DNAH14: variants seen among roughly 807,000 people sequenced by gnomAD.
DNAH14 encodes axonemal beta dynein heavy chain 14.
Under a neutral mutation model 520.9 loss-of-function variants are expected in DNAH14, and 478 were observed. The ratio of observed to expected loss-of-function variants is 0.92; its 90% confidence interval spans 0.85 to 0.99. The LOEUF is 0.99. DNAH14 is among the 50% of genes least tolerant of loss of function. The pLI is 0.00. For synonymous variants in DNAH14, 1,581 were observed against 1,757.2 expected, an observed-to-expected ratio of 0.90 and a Z score of 2.51; for missense variants, 4,831 against 5,234.5, an observed-to-expected ratio of 0.92 and a Z score of 2.38.
intron 41 of DNAH14, among the ~76,000 whole-genome samples, chr1:225,224,269 G>T (rs2090327799): frequency 6.6e-6 from 1 of 151,282 alleles, no homozygotes. Flanking sequence ...AATAGAGCAA[G>T]CTATTTCTCA....
intron 69 of DNAH14, 139 bp downstream of exon 69, chr1:225,340,840 C>A: frequency 4.8e-6 from 5 of 1,047,682 alleles, no homozygotes; most frequent in South Asian, 3.5e-5. Flanking sequence ...AGGTGAATCA[C>A]CCCATTTCTA....
chr1:225,226,210 A>G (rs1261898008), intron 41 of DNAH14, among the ~76,000 whole-genome samples: 3 of 152,162 alleles, frequency 2.0e-5, no homozygotes, highest in Non-Finnish European at 4.4e-5. Context: ...CTAATAACAT[A>G]ACTGCTTGGC....
At chr1:225,060,487 A>G (rs1273178917) in intron 17 of DNAH14, among the ~76,000 whole-genome samples, 1 of 151,994 alleles carries the variant, frequency 6.6e-6, no homozygotes, top group Non-Finnish European at 1.5e-5. Context: ...GAGTAGTTTG[A>G]TCGTCTGAAG....
intron 1 of DNAH14, among the ~76,000 whole-genome samples, chr1:224,945,971 A>T (rs974447299): frequency 6.6e-6 from 1 of 152,290 alleles, no homozygotes; most frequent in Non-Finnish European, 1.5e-5. Flanking sequence ...GTCCGTTCTC[A>T]AATCTCCAGC....
chr1:225,231,272 C>T lies in DNAH14; in HGVS notation c.6518+121C>T, dbSNP rs191547142. The stretch of plus-strand genomic sequence containing the variant: ...TGTATTTTCATAGTATCAGAATCCA[C>T]TTAAATTTATTTTATTCCAACTTAG... On this transcript the variant is annotated intron_variant, in intron 42 of 85. Transcript: ENST00000682510. The T allele has an allele frequency of 3.4e-3, 2,201 of 649,838 alleles. 5 individuals are homozygous for T. The highest frequency in any genetic ancestry group is 4.6e-3 in the Non-Finnish European group (1,886 of 405,606). The allele number at this position is 649,838 out of a possible 1,614,324, so 40.3% of individuals were successfully genotyped here.
At chr1:225,104,298 T>C (rs989189681) in intron 23 of DNAH14, among the ~76,000 whole-genome samples, 7 of 152,200 alleles carry the variant, frequency 4.6e-5, no homozygotes, top group African/African-American at 7.2e-5. Flanking sequence ...AGTATTTTAT[T>C]GAGGATTTTT....
chr1:225,118,356 T>C (rs1174254536), intron 25 of DNAH14, among the ~76,000 whole-genome samples: 3 of 152,192 alleles, frequency 2.0e-5, no homozygotes, highest in African/African-American at 7.2e-5. Flanking sequence ...TATTTGGAGT[T>C]GTTGATGCTA....
chr1:225,247,384 A>T (rs1026294881), intron 43 of DNAH14, among the ~76,000 whole-genome samples: 4 of 152,224 alleles, frequency 2.6e-5, no homozygotes, highest in Admixed American at 6.5e-5. Context: ...TCCAGAACTT[A>T]AAGAATAATA....
intron 39 of DNAH14, among the ~76,000 whole-genome samples, chr1:225,204,829 T>A (rs190299361): frequency 6.6e-6 from 1 of 152,240 alleles, no homozygotes; most frequent in African/African-American, 2.4e-5. Flanking sequence ...AGTACATATA[T>A]GATCCAGACT....
At chr1:225,036,552 CT>C (rs2066985539) in intron 11 of DNAH14, among the ~76,000 whole-genome samples, 1 of 152,142 alleles carries the variant, frequency 6.6e-6, no homozygotes, top group Non-Finnish European at 1.5e-5. Context: ...TCCCATACAT[CT>C]TTCTGCAGCT....
intron 64 of DNAH14, among the ~76,000 whole-genome samples, chr1:225,331,129 C>T (rs1285575308): frequency 1.3e-5 from 2 of 151,576 alleles, no homozygotes; most frequent in Non-Finnish European, 2.9e-5. Flanking sequence ...GAAAAAGAAT[C>T]TAAATAAGAT....
At chr1:224,998,827 G>A (rs2063561419) in intron 8 of DNAH14, among the ~76,000 whole-genome samples, 1 of 152,186 alleles carries the variant, frequency 6.6e-6, no homozygotes, top group Non-Finnish European at 1.5e-5. Context: ...CTTCTGCCTA[G>A]TTGTTCTGTC....
intron 41 of DNAH14, among the ~76,000 whole-genome samples, chr1:225,220,751 C>T (rs965831148): frequency 2.4e-4 from 37 of 152,244 alleles, no homozygotes; most frequent in African/African-American, 7.2e-4. Context: ...AGATTCAATG[C>T]TATTCCCATC....
At chr1:225,264,078 A>AT (rs1558196354) in intron 46 of DNAH14, 119 bp from the exon 47 acceptor site, 13 of 805,480 alleles carry the variant, frequency 1.6e-5, no homozygotes, top group Non-Finnish European at 2.5e-5. Context: ...CAGAAAAAAA[A>AT]TTTTTCTTGT....
chr1:225,090,291 C>A (rs2074264081), intron 21 of DNAH14, among the ~76,000 whole-genome samples: 1 of 151,988 alleles, frequency 6.6e-6, no homozygotes, highest in African/African-American at 2.4e-5. Context: ...ATTGAAAGAC[C>A]TAATAAAGAT....
Position 225,346,083 on chromosome 1 carries a change from TA to T in DNAH14, c.10805del (p.Asn3602ThrfsTer15). The T allele has an allele frequency of 1.3e-6, 2 of 1,551,658 alleles. No individual in the cohort carries two copies. The highest frequency in any genetic ancestry group is 1.7e-6 in the Non-Finnish European group (2 of 1,146,972). On this transcript the variant is annotated frameshift_variant, in exon 70 of 86. Coordinates refer to ENST00000682510, the MANE Select transcript of DNAH14 (RefSeq NM_001367479.1). LOFTEE classifies it high-confidence loss of function. ...CTGAAAGTGAAATCCAAGCAATACG[TA>T]AAAACTATCTCCCCATTGCGACCCG... is the stretch of plus-strand genomic sequence containing the variant. ...KAESEIQAIR[K>X]NYLPIATRGA...
intron 21 of DNAH14, among the ~76,000 whole-genome samples, chr1:225,093,351 TCATTA>T (rs1175081032): frequency 6.6e-6 from 1 of 152,112 alleles, no homozygotes; most frequent in African/African-American, 2.4e-5. Context: ...TAAATGGGAT[TCATTA>T]CATAAACAGA....
At position 225,240,718 on chromosome 1, in the gene DNAH14, A is replaced by C. The variant is rs1558128817; in HGVS notation, c.6644A>C (p.Glu2215Ala). Residue 2215 changes from glutamate to alanine, a missense_variant, in exon 43 of 86, where the codon GAA (glutamate) becomes GCA (alanine). Glu to Ala is a moderately radical substitution (Grantham distance 107). Coordinates refer to ENST00000682510, the MANE Select transcript of DNAH14 (RefSeq NM_001367479.1). ...GALNREDEHR[E>A]NIPFCPSLEP... ...TTAAACCGTGAAGATGAACACAGAG[A>C]AAATATACCATTTTGTCCCAGTCTT... 6.4e-7 allele frequency: 1 copy of C among 1,551,052 alleles called. No homozygotes were observed. Among genetic ancestry groups the C allele is most frequent in the Non-Finnish European group, 8.7e-7 (1 of 1,146,590 alleles).
At chr1:225,392,671 G>T (rs1438919552) in intron 84 of DNAH14, among the ~76,000 whole-genome samples, 2 of 152,194 alleles carry the variant, frequency 1.3e-5, no homozygotes, top group East Asian at 3.8e-4. Context: ...ATGAATAAAA[G>T]ATTTAAGTCA....
Sources: gnomAD v4.1 joint callset for allele counts (sites outside exome capture counted in the v4.1 genomes callset) on GRCh38, gnomAD v4.1.1 for gene constraint, MANE v1.5 for transcripts, NCBI Gene and HGNC (gene_info 2026-07-23, HGNC 2026-07-21) for gene names.